Variants in VWCE observed in about 807,000 individuals in gnomAD.
VWCE encodes the protein von Willebrand factor C and EGF domain-containing protein.
A neutral mutation model predicts 102.9 loss-of-function variants in VWCE; 68 were observed. The ratio of observed to expected loss-of-function variants is 0.66; its 90% CI spans 0.54 to 0.81. The LOEUF is 0.81. VWCE is among the 30% of genes least tolerant of loss of function. The pLI is 0.00. For synonymous variants in VWCE, 497 were observed against 515.4 expected (o/e 0.96, Z 0.48); for missense variants, 1,137 against 1,263.6 (o/e 0.90, Z 1.52).
In VWCE at chr11:61,281,052, C is replaced by T. The variant is rs1411382894; in HGVS notation, c.971G>A (p.Arg324Gln). ...GGCAGAAGGGGAGGATGTGGGTAGT[C>T]GTGGGGTGGGAGATGGCAGGCGGGT... The part of the protein sequence containing the change: ...RTTRLPSPTP[R>Q]LPTSSPSAPV... Residue 324 changes from arginine to glutamine, a missense_variant, in exon 8 of 20, where the codon CGA becomes CAA. Transcript: ENST00000335613. 2 of 1,594,650 alleles carry T rather than the reference C, an allele frequency of 1.3e-6. No homozygotes were observed. Among genetic ancestry groups the T allele is most frequent in the Non-Finnish European group, 1.7e-6 (2 of 1,170,192 alleles).
intron 13 of VWCE, 31 bp from the exon 14 acceptor site, chr11:61,271,791 G>A (rs753616494): frequency 6.3e-7 from 1 of 1,599,770 alleles, no homozygotes; most frequent in Non-Finnish European, 8.5e-7. Context: ...AGAAAAGACG[G>A]CACAAGACCT....
chr11:61,278,370 C>CA (rs1565224518), intron 10 of VWCE, 24 bp downstream of exon 10: 1 of 1,613,684 alleles, frequency 6.2e-7, no homozygotes, highest in Non-Finnish European at 8.5e-7. Context: ...ACCCACGAGG[C>CA]TTTGAGGATC....
intron 14 of VWCE, among the ~76,000 whole-genome samples, chr11:61,270,010 C>T (rs562784960): frequency 1.2e-3 from 175 of 151,424 alleles, no homozygotes; most frequent in Non-Finnish European, 1.3e-3. Flanking sequence ...CTCCGCCTCC[C>T]GGGTTCACGC....
At chr11:61,270,018 C>T (rs1387393957) in intron 14 of VWCE, among the ~76,000 whole-genome samples, 4 of 150,194 alleles carry the variant, frequency 2.7e-5, no homozygotes, top group East Asian at 4.0e-4. Flanking sequence ...CCCGGGTTCA[C>T]GCCATTCTCC....
intron 11 of VWCE, among the ~76,000 whole-genome samples, chr11:61,275,343 A>T (rs1416095838): frequency 1.3e-5 from 2 of 152,094 alleles, no homozygotes; most frequent in African/African-American, 4.8e-5. Context: ...CCTGGGCTCA[A>T]ATCCGAGCTA....
intron 1 of VWCE, among the ~76,000 whole-genome samples, chr11:61,293,060 G>A (rs1855559452): frequency 1.3e-5 from 2 of 151,936 alleles, no homozygotes; most frequent in African/African-American, 4.8e-5. Flanking sequence ...TGACCAACAT[G>A]GAGAAACCCC....
chr11:61,273,143 C>T (rs1215676627), intron 13 of VWCE, 56 bp downstream of exon 13: 69 of 1,560,850 alleles, frequency 4.4e-5, no homozygotes, highest in Non-Finnish European at 5.8e-5. Flanking sequence ...AGGTGAAGCT[C>T]AGCCTCTCTC....
Position 61,281,249 on chromosome 11 carries a change from A to G in VWCE, c.788-14T>C, listed in dbSNP as rs549366638. 6.2e-7 allele frequency: 1 copy of G among 1,611,712 alleles called. No individual in the cohort carries two copies. The highest frequency in any genetic ancestry group is 1.7e-5 in the Admixed American group (1 of 60,002). Reference sequence around the variant, plus strand: ...CTTTCGGGAAAGCTGAAACAGAAGCACGGAGGTCTCTTGGGGTGGACAGCA... The same window carrying G: ...CTTTCGGGAAAGCTGAAACAGAAGCGCGGAGGTCTCTTGGGGTGGACAGCA... On this transcript the variant is annotated splice_polypyrimidine_tract_variant and intron_variant, in intron 7 of 19. Coordinates refer to ENST00000335613, the MANE Select transcript of VWCE (RefSeq NM_152718.2).
chr11:61,270,566 G>A (rs893097238), intron 14 of VWCE, among the ~76,000 whole-genome samples: 4 of 152,208 alleles, frequency 2.6e-5, no homozygotes, highest in African/African-American at 9.7e-5. Flanking sequence ...TTGTATTTCT[G>A]GGTGGATAGC....
chr11:61,282,251 G>GA (rs1234590963), intron 6 of VWCE, among the ~76,000 whole-genome samples: 3 of 152,052 alleles, frequency 2.0e-5, no homozygotes, highest in Non-Finnish European at 4.4e-5. Context: ...TTTTCTTTCC[G>GA]AAAAAAGTCT....
Position 61,281,178 on chromosome 11 carries a change from G to T in VWCE, c.845C>A (p.Ser282Tyr). ...SAILQPRQHP[S>Y]KMLLLLPEAG... ...CTCAGGAAGCAACAGAAGCATCTTGGACGGGTGTTGCCGGGGTTGCAGGAT... is the reference window on the plus strand; with the variant it reads ...CTCAGGAAGCAACAGAAGCATCTTGTACGGGTGTTGCCGGGGTTGCAGGAT... Residue 282 changes from serine (S) to tyrosine (Y), a missense_variant, in exon 8 of 20, where the codon TCC (serine) becomes TAC (tyrosine). Ser to Tyr is a moderately radical substitution (Grantham distance 144). Around this residue, in one of 5 missense-constraint regions of VWCE, gnomAD observed 575 missense variants for 625.9 expected, o/e 0.92. Coordinates refer to ENST00000335613, the MANE Select transcript of VWCE (RefSeq NM_152718.2). The T allele has an allele frequency of 6.2e-7, 1 of 1,613,524 alleles. No individual in the cohort carries two copies. The highest frequency in any genetic ancestry group is 8.5e-7 in the Non-Finnish European group (1 of 1,180,024).
intron 14 of VWCE, among the ~76,000 whole-genome samples, chr11:61,269,903 G>A (rs994592047): frequency 2.0e-5 from 3 of 149,672 alleles, no homozygotes; most frequent in Non-Finnish European, 3.0e-5. Context: ...AATGAGACGT[G>A]TTCAGCTTAC....
chr11:61,273,679 A>G (rs780815434), intron 12 of VWCE: 26 of 202,040 alleles, frequency 1.3e-4, no homozygotes, highest in Non-Finnish European at 2.3e-4. Context: ...TTCAGGACTG[A>G]GTCAGGGGCA....
chr11:61,274,205 C>T (rs370388114), intron 12 of VWCE, among the ~76,000 whole-genome samples: 6 of 152,224 alleles, frequency 3.9e-5, no homozygotes, highest in African/African-American at 1.2e-4. Context: ...CCTGGGCACC[C>T]GGCCATCAAC....
At chr11:61,290,247 C>T (rs1855457486) in intron 4 of VWCE, among the ~76,000 whole-genome samples, 1 of 152,160 alleles carries the variant, frequency 6.6e-6, no homozygotes, top group South Asian at 2.1e-4. Context: ...TGCGGTGGCT[C>T]ACGCCTGTAA....
chr11:61,262,258 G>A (rs1004433304), intron 19 of VWCE, among the ~76,000 whole-genome samples: 3 of 152,142 alleles, frequency 2.0e-5, no homozygotes, highest in African/African-American at 7.2e-5. Context: ...CAGACCTGGA[G>A]GTCACCTCTT....
At chr11:61,269,117 C>A (rs1854595880) in intron 14 of VWCE, 99 bp from the exon 15 acceptor site, 26 of 1,180,840 alleles carry the variant, frequency 2.2e-5, no homozygotes, top group Non-Finnish European at 3.2e-5. Flanking sequence ...CTGGCCAAGG[C>A]TTGCCCTGAA....
rs1333001422 is a variant in VWCE, at chr11:61,273,268, G to A, written c.1630C>T (p.Pro544Ser). Residue 544 changes from proline (P) to serine (S), a missense_variant, in exon 13 of 20, where the codon CCC becomes TCC. This residue lies in a region of VWCE where 212 missense variants were observed against 235.1 expected (regional missense o/e 0.90). Transcript: ENST00000335613. The stretch of plus-strand genomic sequence containing the variant: ...GGGCCCAGCCGCCACTCTTCTCGGG[G>A]GCAGGCCAGCTCAGGGCAGGGCATG... Reference protein sequence around the residue: ...SFMPCPELACPREEWRLGPGQ... With the variant: ...SFMPCPELACSREEWRLGPGQ... 7 of 1,613,862 alleles carry A rather than the reference G, an allele frequency of 4.3e-6. 1 individual carries two copies. The Admixed American group carries it at 1.2e-4, about 27-fold the overall frequency.
At chr11:61,286,175 C>A in intron 5 of VWCE, 139 bp downstream of exon 5, 1 of 835,472 alleles carries the variant, frequency 1.2e-6, no homozygotes, top group Admixed American at 1.9e-5. Context: ...ACCATAATAG[C>A]ATCTCCCTCC....
Sources: gnomAD v4.1 joint callset for allele counts (sites outside exome capture counted in the v4.1 genomes callset) on GRCh38, gnomAD v4.1.1 for gene constraint, gnomAD v4.1.1 regional missense constraint, MANE v1.5 for transcripts, NCBI Gene and HGNC (gene_info 2026-07-23, HGNC 2026-07-21) for gene names.